CUBN: variants seen among roughly 807,000 people sequenced by gnomAD.
CUBN encodes the protein 460 kDa receptor.
Under a neutral mutation model 405.3 loss-of-function variants are expected in CUBN, and 282 were observed. The ratio of observed to expected loss-of-function variants is 0.70; its 90% CI spans 0.63 to 0.77. The LOEUF (loss-of-function observed/expected upper bound fraction) is 0.77. Ranked by LOEUF, CUBN falls within the 30% of genes least tolerant of loss-of-function variation. The probability of loss-of-function intolerance (pLI) is 0.00; values close to 1 mark genes in which losing one functional copy is unlikely to be tolerated. For missense variants in CUBN, 4,514 were observed against 4,475.2 expected, an observed-to-expected ratio of 1.01 and a Z score of -0.25; for synonymous variants, 1,684 against 1,617.0, an observed-to-expected ratio of 1.04 and a Z score of -0.99.
chr10:17,048,030 G>A (rs1157657383), intron 22 of CUBN, among the ~76,000 whole-genome samples: 1 of 152,176 alleles, frequency 6.6e-6, no homozygotes, highest in African/African-American at 2.4e-5. Flanking sequence ...CTCCACCACG[G>A]GGTGAAGAAT....
In CUBN at chr10:16,997,601, T is replaced by C. The variant is rs374475915; in HGVS notation, c.4169-7086A>G. Among the ~76,000 whole-genome samples the C allele has an allele frequency of 6.6e-5, 10 of 152,128 alleles. No individual in the cohort carries two copies. The East Asian group carries it at 1.7e-3, about 26-fold the overall frequency. On this transcript the variant is annotated intron_variant, in intron 28 of 66. Coordinates refer to ENST00000377833, the MANE Select transcript of CUBN (RefSeq NM_001081.4). ...AGTGAACTATTTCCTGGAGTGAGTATACAGGCCTCACTTCCGATACATCTA... is the reference window on the plus strand; with the variant it reads ...AGTGAACTATTTCCTGGAGTGAGTACACAGGCCTCACTTCCGATACATCTA...
chr10:17,062,715 G>C (rs1188316540), intron 22 of CUBN, among the ~76,000 whole-genome samples: 1 of 152,196 alleles, frequency 6.6e-6, no homozygotes, highest in Non-Finnish European at 1.5e-5. Flanking sequence ...AGATGGAAAA[G>C]TATCTGAACT....
intron 59 of CUBN, among the ~76,000 whole-genome samples, chr10:16,853,906 A>G (rs1453240322): frequency 6.6e-6 from 1 of 152,242 alleles, no homozygotes; most frequent in East Asian, 1.9e-4. Flanking sequence ...AAATTTATTT[A>G]TTACATATTG....
chr10:16,918,295 G>A (rs1276774836), intron 45 of CUBN, among the ~76,000 whole-genome samples: 4 of 152,128 alleles, frequency 2.6e-5, no homozygotes, highest in South Asian at 4.2e-4. Flanking sequence ...GGGTCCATAT[G>A]AGTTTTAAAA....
chr10:17,089,542 T>C (rs555221264), intron 14 of CUBN, among the ~76,000 whole-genome samples: 2 of 152,202 alleles, frequency 1.3e-5, no homozygotes. Flanking sequence ...AAAACCTTAA[T>C]TGAGATGCCA....
At chr10:17,029,098 G>A (rs963347104) in intron 27 of CUBN, among the ~76,000 whole-genome samples, 2 of 152,186 alleles carry the variant, frequency 1.3e-5, no homozygotes, top group African/African-American at 4.8e-5. Flanking sequence ...CTTCAGGGTA[G>A]TTCAGAAATT....
At chr10:16,944,909 C>A (rs1348668966) in intron 36 of CUBN, among the ~76,000 whole-genome samples, 2 of 152,200 alleles carry the variant, frequency 1.3e-5, no homozygotes, top group East Asian at 3.8e-4. Context: ...AGAATTAAGT[C>A]ACCAAACATT....
At chr10:17,098,046 T>C (rs1322313160) in intron 14 of CUBN, among the ~76,000 whole-genome samples, 1 of 152,168 alleles carries the variant, frequency 6.6e-6, no homozygotes, top group Admixed American at 6.5e-5. Flanking sequence ...TCTGGTTCTG[T>C]TGTAATGCTT....
intron 22 of CUBN, among the ~76,000 whole-genome samples, chr10:17,060,967 T>G (rs1280836039): frequency 6.6e-6 from 1 of 152,142 alleles, no homozygotes; most frequent in African/African-American, 2.4e-5. Flanking sequence ...GAGAATCACT[T>G]GAACCTAGGA....
chr10:16,834,326 G>A (rs1173564779), intron 64 of CUBN, among the ~76,000 whole-genome samples: 1 of 152,162 alleles, frequency 6.6e-6, no homozygotes, highest in East Asian at 1.9e-4. Context: ...CAAAGTTTCA[G>A]GCCCACGAGG....
rs571180679 is a variant in CUBN at position 17,006,485 on chromosome 10, T to C, written c.4168+13348A>G. 2.3e-4 allele frequency among the ~76,000 whole-genome samples: 35 copies of C among 152,264 alleles called. 1 individual carries two copies. The South Asian group carries it at 5.6e-3, about 24-fold the overall frequency. On this transcript the variant is annotated intron_variant, in intron 28 of 66. Transcript: ENST00000377833. Reference sequence around the variant, plus strand: ...TGAACCTCCCAGAAATCGTACTACATGTACTCTAAGTCACAAAAGGAATAA... The same window carrying C: ...TGAACCTCCCAGAAATCGTACTACACGTACTCTAAGTCACAAAAGGAATAA...
chr10:17,016,573 C>T (rs562634834), intron 28 of CUBN, among the ~76,000 whole-genome samples: 2 of 152,308 alleles, frequency 1.3e-5, no homozygotes, highest in Admixed American at 6.5e-5. Flanking sequence ...CATCTGAAAA[C>T]TTCCCCAGGT....
chr10:17,079,405 T>C (rs1835922470), intron 17 of CUBN, among the ~76,000 whole-genome samples: 2 of 151,770 alleles, frequency 1.3e-5, no homozygotes, highest in South Asian at 4.2e-4. Flanking sequence ...TTGGCTACTT[T>C]TTTGTATTTT....
chr10:17,024,136 G>A (rs539668952), intron 27 of CUBN, among the ~76,000 whole-genome samples: 10 of 152,252 alleles, frequency 6.6e-5, no homozygotes, highest in African/African-American at 2.4e-4. Context: ...TCAGACTCCA[G>A]TTGCAATAGG....
chr10:17,115,541 C>G lies in CUBN; in HGVS notation c.650G>C (p.Cys217Ser). The G allele has an allele frequency of 6.2e-7, 1 of 1,614,216 alleles. No homozygotes were observed. Among genetic ancestry groups the G allele is most frequent in the Non-Finnish European group, 8.5e-7 (1 of 1,180,038 alleles). The change falls in exon 7 of 67, where the codon TGT becomes TCT. Residue 217 changes from cysteine (C) to serine (S), a missense_variant. By Grantham distance (112) the Cys-to-Ser change is moderately radical. Transcript: ENST00000377833. Reference protein sequence around the residue: ...GPQCASKYDDCEGGSVARCVH... With the variant: ...GPQCASKYDDSEGGSVARCVH... ...ACAGCGTGCCACAGAACCCCCTTCA[C>G]AGTCGTCATATTTGGATGCACACTG... is the stretch of plus-strand genomic sequence containing the variant.
At position 16,836,312 on chromosome 10, in the gene CUBN, A is replaced by G. The variant is rs1483119234; in HGVS notation, c.10103T>C (p.Met3368Thr). ...TTTGAAAATGACCATTGCAGTACTC[A>G]TAGAAGAATAAAACACTGGCACAGC... is the stretch of plus-strand genomic sequence containing the variant. Reference protein sequence around the residue: ...ASAVPVFYSSMSTAMVIFKSG... With the variant: ...ASAVPVFYSSTSTAMVIFKSG... Residue 3368 changes from methionine to threonine, a missense_variant, in exon 63 of 67, where the codon ATG (methionine) becomes ACG (threonine). Physicochemically the swap from Met to Thr is moderately conservative, Grantham distance 81. Coordinates refer to ENST00000377833, the MANE Select transcript of CUBN (RefSeq NM_001081.4). The G allele has an allele frequency of 1.9e-6, 3 of 1,613,618 alleles. No individual in the cohort carries two copies. The highest frequency in any genetic ancestry group is 2.5e-6 in the Non-Finnish European group (3 of 1,179,466).
chr10:16,887,548 G>A (rs564827811), intron 56 of CUBN, among the ~76,000 whole-genome samples: 2 of 152,280 alleles, frequency 1.3e-5, no homozygotes, highest in South Asian at 4.1e-4. Context: ...ATCTTCCAAG[G>A]CTATTATCAA....
At chr10:17,110,672 C>G (rs971681546) in intron 9 of CUBN, among the ~76,000 whole-genome samples, 26 of 152,226 alleles carry the variant, frequency 1.7e-4, no homozygotes, top group African/African-American at 6.0e-4. Flanking sequence ...GGATTACAAG[C>G]ATGCACCACC....
At chr10:16,882,087 C>T (rs1840678700) in intron 56 of CUBN, among the ~76,000 whole-genome samples, 1 of 152,154 alleles carries the variant, frequency 6.6e-6, no homozygotes, top group Admixed American at 6.5e-5. Context: ...GAGAAGGAAA[C>T]TTAGTTGAGG....
Sources: allele counts gnomAD v4.1 joint callset (sites outside exome capture counted in the v4.1 genomes callset), GRCh38; gene constraint gnomAD v4.1.1; transcripts MANE v1.5; gene names NCBI Gene and HGNC (gene_info 2026-07-23, HGNC 2026-07-21).